CYP4Z1: variants seen among roughly 807,000 people sequenced by gnomAD.
The protein encoded by CYP4Z1 is cytochrome P450 4Z1.
Under a neutral mutation model 54.2 loss-of-function variants are expected in CYP4Z1, and 41 were observed. The ratio of observed to expected loss-of-function variants is 0.76; its 90% CI spans 0.59 to 0.98. The LOEUF (loss-of-function observed/expected upper bound fraction) is 0.98, where lower values mean the gene tolerates loss of function less well. Among genes scored for constraint, CYP4Z1 ranks in the 50% least tolerant of loss-of-function variants. CYP4Z1 has a pLI of 0.00. For synonymous variants in CYP4Z1, 163 were observed against 206.2 expected (o/e 0.79, Z 1.79); for missense variants, 513 against 599.0 (o/e 0.86, Z 1.50).
rs552511663 is a variant in CYP4Z1, at chr1:47,101,991, A to T, written c.1067+2707A>T. 3.3e-5 allele frequency among the ~76,000 whole-genome samples: 5 copies of T among 152,194 alleles called. No individual in the cohort carries two copies. In the East Asian group the frequency reaches 9.6e-4, roughly 29 times the overall value. Reference sequence around the variant, plus strand: ...ACTGTTATAGCCTCTTGCTAAACTGATCCCTTTATCATTATATAATAACTT... The same window carrying T: ...ACTGTTATAGCCTCTTGCTAAACTGTTCCCTTTATCATTATATAATAACTT... On this transcript the variant is annotated intron_variant, in intron 8 of 11. Transcript: ENST00000334194.
intron 7 of CYP4Z1, among the ~76,000 whole-genome samples, chr1:47,098,311 T>C (rs1013882096): frequency 9.2e-5 from 14 of 152,204 alleles, no homozygotes; most frequent in Non-Finnish European, 7.3e-5. Flanking sequence ...TGGTTTGTAG[T>C]TCTTCTCGAA....
chr1:47,057,145 T>C, the CYP4Z1 span, among the ~76,000 whole-genome samples: 3 of 151,592 alleles, frequency 2.0e-5, no homozygotes, highest in Admixed American at 2.0e-4. Context: ...CATTTGCTTG[T>C]CTGTAAAGTA....
At position 47,118,290 on chromosome 1, in the gene CYP4Z1, T is replaced by A. The variant is rs1293141282; in HGVS notation, c.*356T>A. 1 of 170,054 alleles carries A rather than the reference T, an allele frequency of 5.9e-6. No individual in the cohort carries two copies. Among genetic ancestry groups the A allele is most frequent in the Admixed American group, 5.8e-5 (1 of 17,276 alleles). The allele number at this position is 170,054 out of a possible 1,614,324, so 10.5% of individuals were successfully genotyped here. A position where few individuals can be genotyped will look rare whatever the true frequency, so the allele number is the denominator to read the frequency against. ...TGCATGATAGCTTTATTCTCAGTTA[T>A]CTTTCCCCATAATAAAAAATATCTG... is the stretch of plus-strand genomic sequence containing the variant. On this transcript the variant is annotated 3_prime_UTR_variant, in exon 12 of 12. Transcript: ENST00000334194.
At chr1:47,103,637 C>G (rs1388309315) in intron 8 of CYP4Z1, among the ~76,000 whole-genome samples, 1 of 139,244 alleles carries the variant, frequency 7.2e-6, no homozygotes, top group African/African-American at 2.7e-5. Context: ...TCTTGTTGCC[C>G]ATGCTGGAGT....
chr1:47,067,777 C>G, intron 1 of CYP4Z1, 110 bp downstream of exon 1: 4 of 991,134 alleles, frequency 4.0e-6, no homozygotes, highest in Non-Finnish European at 4.2e-6. Flanking sequence ...GCTTTCACAC[C>G]AATCTCATTG....
intron 6 of CYP4Z1, among the ~76,000 whole-genome samples, chr1:47,088,730 C>G (rs1177802704): frequency 7.2e-6 from 1 of 138,808 alleles, no homozygotes; most frequent in East Asian, 2.1e-4. Context: ...GATCCTCCTG[C>G]CTCAGCCCCC....
At chr1:47,057,504 A>AT in the CYP4Z1 span, among the ~76,000 whole-genome samples, 53,005 of 122,624 alleles carry the variant, frequency 0.43, 12,360 homozygotes, top group East Asian at 0.92. Flanking sequence ...AGCTTTTTTC[A>AT]TTTTTTTTTT....
chr1:47,093,573 T>C (rs1039092484), intron 6 of CYP4Z1, among the ~76,000 whole-genome samples: 7 of 152,102 alleles, frequency 4.6e-5, no homozygotes, highest in African/African-American at 1.7e-4. Context: ...CTTAGAAAAA[T>C]GGTTCCGGTT....
Position 47,067,705 on chromosome 1 carries a change from GA to G in CYP4Z1, c.177+41del, listed in dbSNP as rs553610945. 1.1e-3 allele frequency: 1,650 copies of G among 1,523,636 alleles called. 19 individuals carry two copies. The African/African-American group carries it at 0.021, about 19-fold the overall frequency. The allele number at this position is 1,523,636 out of a possible 1,614,324, so 94.4% of individuals were successfully genotyped here. A position where few individuals can be genotyped will look rare whatever the true frequency, so the allele number is the denominator to read the frequency against. ...AATTAGTTGGGGAGGTTAAGGGACA[GA>G]AAGATGAGGTATTAAAAAAAAACAG... On this transcript the variant is annotated intron_variant, in intron 1 of 11. Transcript: ENST00000334194.
chr1:47,065,835 G>T (rs1297886601), upstream of CYP4Z1, among the ~76,000 whole-genome samples: 9 of 152,080 alleles, frequency 5.9e-5, no homozygotes, highest in Admixed American at 5.9e-4. Flanking sequence ...AATTAGAAAT[G>T]AAACAGGAGC....
rs201327598 is a variant in CYP4Z1, at chr1:47,067,464, C to T, written c.-27C>T. The T allele has an allele frequency of 1.6e-3, 2,482 of 1,571,756 alleles. 3 individuals carry two copies. The highest frequency in any genetic ancestry group is 1.8e-3 in the Non-Finnish European group (2,129 of 1,156,224). ...CTCCCTGGCTCAGTTCTCTCAGGCT[C>T]TCCAGAGCTCAGGACCTCTGAGAAG... On this transcript the variant is annotated 5_prime_UTR_variant, in exon 1 of 12. Transcript: ENST00000334194.
the CYP4Z1 span, among the ~76,000 whole-genome samples, chr1:47,061,371 A>C: frequency 2.0e-4 from 31 of 152,350 alleles, no homozygotes; most frequent in Middle Eastern, 3.4e-3. Flanking sequence ...CCCCACAGAA[A>C]TAAAAATAAC....
intron 9 of CYP4Z1, among the ~76,000 whole-genome samples, chr1:47,112,946 A>T (rs1037846116): frequency 2.0e-5 from 3 of 151,840 alleles, no homozygotes; most frequent in African/African-American, 7.3e-5. Context: ...ACTATATCCC[A>T]TATGGTTCTA....
At chr1:47,086,495 T>G (rs942830683) in intron 6 of CYP4Z1, among the ~76,000 whole-genome samples, 2 of 152,256 alleles carry the variant, frequency 1.3e-5, no homozygotes, top group African/African-American at 4.8e-5. Context: ...ATGTCTTCTT[T>G]TGAGAAGTGT....
chr1:47,060,575 A>G, the CYP4Z1 span, among the ~76,000 whole-genome samples: 6 of 152,238 alleles, frequency 3.9e-5, no homozygotes, highest in Admixed American at 6.5e-5. Context: ...TAGAGACTAC[A>G]AAGAGACTTA....
At chr1:47,094,399 T>G (rs1449601267) in intron 6 of CYP4Z1, among the ~76,000 whole-genome samples, 167 bp from the exon 7 acceptor site, 1 of 152,006 alleles carries the variant, frequency 6.6e-6, no homozygotes, top group African/African-American at 2.4e-5. Context: ...ATGGGACGAT[T>G]TTTTTAAAAA....
intron 8 of CYP4Z1, 58 bp downstream of exon 8, chr1:47,099,342 T>C: frequency 6.9e-7 from 1 of 1,444,784 alleles, no homozygotes; most frequent in Non-Finnish European, 9.3e-7. Context: ...TGATTATTTC[T>C]CTCTTCCGGT....
chr1:47,064,069 G>A (rs1302701885), upstream of CYP4Z1, among the ~76,000 whole-genome samples: 1 of 149,104 alleles, frequency 6.7e-6, no homozygotes, highest in Non-Finnish European at 1.5e-5. Flanking sequence ...AAGTTAGAAG[G>A]GATTTGGGTC....
the CYP4Z1 span, among the ~76,000 whole-genome samples, chr1:47,061,249 T>C: frequency 6.4e-4 from 97 of 151,842 alleles, no homozygotes; most frequent in African/African-American, 2.3e-3. Context: ...CAATGTTTGC[T>C]TTCTGAAAAA....
Sources: gnomAD v4.1 joint callset for allele counts (sites outside exome capture counted in the v4.1 genomes callset) on GRCh38, gnomAD v4.1.1 for gene constraint, MANE v1.5 for transcripts, NCBI Gene and HGNC (gene_info 2026-07-23, HGNC 2026-07-21) for gene names.